CIROZ: variants seen among roughly 807,000 people sequenced by gnomAD.
CIROZ encodes ciliated left-right organizer protein containing ZP-N domains.
the CIROZ span, among the ~76,000 whole-genome samples, chr1:10,955,559 T>C: frequency 2.0e-5 from 3 of 152,062 alleles, no homozygotes; most frequent in Middle Eastern, 3.2e-3. Flanking sequence ...ATATAACTCC[T>C]AGGCCAGGCA....
chr1:10,954,910 A>G, the CIROZ span: 1 of 1,424,454 alleles, frequency 7.0e-7, no homozygotes, highest in Non-Finnish European at 9.5e-7. Flanking sequence ...CATGTTTCTG[A>G]CCACATATGG....
chr1:10,947,880 G>A, the CIROZ span: 32 of 1,612,318 alleles, frequency 2.0e-5, 1 homozygote, highest in African/African-American at 1.2e-4. Flanking sequence ...AGGGCTGGAC[G>A]TGTGTGCAAC....
the CIROZ span, chr1:10,948,432 C>T: frequency 1.2e-5 from 19 of 1,613,452 alleles, no homozygotes; most frequent in Non-Finnish European, 1.6e-5. Flanking sequence ...CACATCCCCG[C>T]TTGACAAGCC....
At chr1:10,975,553 C>T in the CIROZ span, among the ~76,000 whole-genome samples, 5 of 148,068 alleles carry the variant, frequency 3.4e-5, no homozygotes, top group African/African-American at 1.3e-4. Context: ...CACACCACTG[C>T]ACTACAGCCT....
At chr1:10,964,177 C>T in the CIROZ span, 2 of 1,614,174 alleles carry the variant, frequency 1.2e-6, no homozygotes, top group Non-Finnish European at 1.7e-6. Context: ...CAGCCTTGAC[C>T]TTAGCATCGG....
At chr1:10,951,421 G>A in the CIROZ span, among the ~76,000 whole-genome samples, 1 of 151,898 alleles carries the variant, frequency 6.6e-6, no homozygotes, top group African/African-American at 2.4e-5. Flanking sequence ...AGATTAGCCA[G>A]GCATGGTGGC....
At chr1:10,976,085 T>C in the CIROZ span, 3 of 1,302,636 alleles carry the variant, frequency 2.3e-6, no homozygotes, top group South Asian at 3.8e-5. Flanking sequence ...ACCCAGCAGG[T>C]TGGTTCTCAG....
the CIROZ span, among the ~76,000 whole-genome samples, chr1:10,967,294 T>G: frequency 6.6e-6 from 1 of 151,072 alleles, no homozygotes. Context: ...CCAGACCCAC[T>G]GCTATTTCTC....
the CIROZ span, among the ~76,000 whole-genome samples, chr1:10,971,627 G>T: frequency 6.6e-6 from 1 of 152,004 alleles, no homozygotes; most frequent in Non-Finnish European, 1.5e-5. Context: ...TCTCTACCCT[G>T]GTCCTGTGTC....
the CIROZ span, among the ~76,000 whole-genome samples, chr1:10,967,170 A>C: frequency 7.2e-5 from 10 of 138,300 alleles, no homozygotes; most frequent in Non-Finnish European, 1.2e-4. Flanking sequence ...AAAAAAAAAA[A>C]AAACTCCATT....
chr1:10,961,759 C>T, the CIROZ span, among the ~76,000 whole-genome samples: 1 of 152,086 alleles, frequency 6.6e-6, no homozygotes, highest in Non-Finnish European at 1.5e-5. Flanking sequence ...GCCTGGCCAA[C>T]ATGGTGAAAC....
At chr1:10,957,693 T>C in the CIROZ span, 1 of 1,614,120 alleles carries the variant, frequency 6.2e-7, no homozygotes. Context: ...TACAGTCCCA[T>C]CAGGCTGGCG....
At chr1:10,949,768 A>C in the CIROZ span, 1 of 1,580,014 alleles carries the variant, frequency 6.3e-7, no homozygotes. Flanking sequence ...GTGGGGAGGG[A>C]GTGGTCCTCA....
the CIROZ span, among the ~76,000 whole-genome samples, chr1:10,973,962 C>CCA: frequency 1.3e-5 from 2 of 151,478 alleles, no homozygotes; most frequent in African/African-American, 4.9e-5. Context: ...AAGGACCCCC[C>CCA]CCACCAAGTC....
the CIROZ span, chr1:10,958,651 C>G: frequency 6.3e-7 from 1 of 1,586,906 alleles, no homozygotes; most frequent in Non-Finnish European, 8.7e-7. Flanking sequence ...ATCCTGAGCA[C>G]CCACCAGTCC....
At chr1:10,976,315 C>A in the CIROZ span, 1 of 1,024,012 alleles carries the variant, frequency 9.8e-7, no homozygotes, top group Non-Finnish European at 1.4e-6. Flanking sequence ...GCCTCATCTA[C>A]CTTCATTCAC....
chr1:10,949,841 C>T, the CIROZ span: 1 of 1,513,850 alleles, frequency 6.6e-7, no homozygotes, highest in Non-Finnish European at 8.9e-7. Flanking sequence ...AGAGGTCAGC[C>T]TTCCTCCTAA....
the CIROZ span, chr1:10,957,505 T>A: frequency 6.8e-7 from 1 of 1,480,804 alleles, no homozygotes; most frequent in Non-Finnish European, 9.0e-7. Flanking sequence ...ATCTGTCCAG[T>A]CTCGCAGGTG....
At chr1:10,979,432 G>T in the CIROZ span, among the ~76,000 whole-genome samples, 3 of 152,152 alleles carry the variant, frequency 2.0e-5, no homozygotes, top group East Asian at 5.8e-4. Context: ...GCCAGAAGCT[G>T]GAAAGAAAGA....
Sources: gnomAD v4.1 joint callset for allele counts (sites outside exome capture counted in the v4.1 genomes callset) on GRCh38, gnomAD v4.1.1 for gene constraint, MANE v1.5 for transcripts, NCBI Gene and HGNC (gene_info 2026-07-23, HGNC 2026-07-21) for gene names.